Variants in GUCY1A1 observed in about 807,000 individuals in gnomAD.
GUCY1A1 encodes guanylate cyclase soluble subunit alpha-1.
In GUCY1A1, 48 loss-of-function variants were observed where a neutral mutation model predicts 64.5. That is an observed-to-expected ratio of 0.74 (90% CI 0.59 to 0.95). The LOEUF is 0.95. GUCY1A1 is among the 40% of genes least tolerant of loss of function. The pLI, the probability that GUCY1A1 is intolerant of heterozygous loss-of-function variation, is 0.00. For missense variants in GUCY1A1, 804 were observed against 825.3 expected, an observed-to-expected ratio of 0.97 and a Z score of 0.32; for synonymous variants, 308 against 303.4, an observed-to-expected ratio of 1.02 and a Z score of -0.16.
intron 2 of GUCY1A1, among the ~76,000 whole-genome samples, chr4:155,677,434 A>T (rs1735107403): frequency 6.6e-6 from 1 of 152,190 alleles, no homozygotes; most frequent in Non-Finnish European, 1.5e-5. Context: ...CACTGATCTC[A>T]TCAGGAAGTT....
chr4:155,683,270 A>G (rs879359836), intron 2 of GUCY1A1, among the ~76,000 whole-genome samples: 1 of 152,214 alleles, frequency 6.6e-6, no homozygotes, highest in Non-Finnish European at 1.5e-5. Context: ...ATATAGGAAA[A>G]CAAAAAAAAT....
In GUCY1A1 at chr4:155,732,061, GGGAAATAAT is replaced by G. The variant is rs1364526237; in HGVS notation, c.*1831_*1839del. The stretch of plus-strand genomic sequence containing the variant: ...TTTCTGGAACCGAACTCTTATTATG[GGGAAATAAT>G]AGAAATAAAGAAAATGTAAAAGCAT... On this transcript the variant is annotated 3_prime_UTR_variant, in exon 10 of 10. Transcript: ENST00000506455. 6.6e-6 allele frequency: 1 copy of G among 151,618 alleles called. No homozygotes were observed. Among genetic ancestry groups the G allele is most frequent in the Non-Finnish European group, 1.5e-5 (1 of 67,804 alleles). The allele number at this position is 151,618 out of a possible 1,614,324, so 9.4% of individuals were successfully genotyped here.
At chr4:155,696,696 C>T (rs1730454689) in intron 2 of GUCY1A1, 60 bp from the exon 3 acceptor site, 1 of 533,834 alleles carries the variant, frequency 1.9e-6, no homozygotes, top group Non-Finnish European at 3.3e-6. Flanking sequence ...CTGTCTTTTT[C>T]TGTTTTCATC....
At chr4:155,720,938 A>C (rs1320961292) in intron 8 of GUCY1A1, among the ~76,000 whole-genome samples, 1 of 152,184 alleles carries the variant, frequency 6.6e-6, no homozygotes, top group Admixed American at 6.6e-5. Flanking sequence ...AAGATCATCA[A>C]GTAATCAGAC....
intron 3 of GUCY1A1, among the ~76,000 whole-genome samples, chr4:155,699,918 A>C (rs1465516653): frequency 6.6e-6 from 1 of 152,176 alleles, no homozygotes; most frequent in African/African-American, 2.4e-5. Context: ...GGTCGTTCTC[A>C]AGTAATGGAA....
rs759827475 is a variant in GUCY1A1 at position 155,710,965 on chromosome 4, C to A, written c.800C>A (p.Ser267Tyr). The A allele has an allele frequency of 1.2e-6, 2 of 1,613,408 alleles. No homozygotes were observed. The highest frequency in any genetic ancestry group is 1.7e-6 in the Non-Finnish European group (2 of 1,179,354). ...ATGAAAAGCACCAAGCCATCCCTGT[C>A]CCCCAGCAAACCCCAGTCCTCGCTG... The part of the protein sequence containing the change: ...VHMKSTKPSL[S>Y]PSKPQSSLVI... Residue 267 changes from serine (S) to tyrosine (Y), a missense_variant, in exon 6 of 10, where the codon TCC becomes TAC. Physicochemically the swap from Ser to Tyr is moderately radical, Grantham distance 144. Coordinates refer to ENST00000506455, the MANE Select transcript of GUCY1A1 (RefSeq NM_001130682.3).
chr4:155,727,953 C>T (rs1031269044), intron 9 of GUCY1A1, among the ~76,000 whole-genome samples: 1 of 151,776 alleles, frequency 6.6e-6, no homozygotes, highest in Non-Finnish European at 1.5e-5. Flanking sequence ...AGCTTCTCCA[C>T]AACTCATCAA....
Position 155,733,620 on chromosome 4 carries a change from C to A in GUCY1A1, c.*3389C>A. Among the ~76,000 whole-genome samples the A allele has an allele frequency of 6.7e-6, 1 of 150,364 alleles. No individual in the cohort carries two copies. The highest frequency in any genetic ancestry group is 2.4e-5 in the African/African-American group (1 of 40,846). ...GTAATATTAATAACTACAATAAGAG[C>A]CATTATTATTCACTTGAGGCACTTG... On this transcript the variant is annotated 3_prime_UTR_variant, in exon 10 of 10. Transcript: ENST00000506455.
chr4:155,708,218 A>G lies in GUCY1A1; in HGVS notation c.318-18A>G. 8.2e-7 allele frequency: 1 copy of G among 1,221,234 alleles called. No homozygotes were observed. The highest frequency in any genetic ancestry group is 1.2e-6 in the Non-Finnish European group (1 of 826,084). 75.6% of individuals were successfully genotyped at this position (1,221,234 alleles called of 1,614,324 possible). ...TGTATTTATAAGTTTATAACTTAAA[A>G]TATTGAAATATTTCCAGGAAATCTT... On this transcript the variant is annotated intron_variant, in intron 4 of 9. Coordinates refer to ENST00000506455, the MANE Select transcript of GUCY1A1 (RefSeq NM_001130682.3).
In GUCY1A1 at chr4:155,705,203, T is replaced by A. The variant is rs186538884; in HGVS notation, c.317+1210T>A. Among the ~76,000 whole-genome samples, 3 of 152,346 alleles carry A rather than the reference T, an allele frequency of 2.0e-5. No homozygotes were observed. The East Asian group carries it at 5.8e-4, about 29-fold the overall frequency. ...ACTGCGCCTTGTCTCTAAAGTTACA[T>A]TTTTTAAATCTGATTTATTTAGTGA... On this transcript the variant is annotated intron_variant, in intron 4 of 9. Transcript: ENST00000506455.
chr4:155,679,492 T>A (rs918769302), intron 2 of GUCY1A1, among the ~76,000 whole-genome samples: 1 of 152,042 alleles, frequency 6.6e-6, no homozygotes, highest in Non-Finnish European at 1.5e-5. Context: ...CAGAGATTAC[T>A]GAGAGAGAGA....
Position 155,716,373 on chromosome 4 carries a change from C to T in GUCY1A1, c.1573-786C>T, listed in dbSNP as rs570305366. Among the ~76,000 whole-genome samples, 7 of 152,168 alleles carry T rather than the reference C, an allele frequency of 4.6e-5. No homozygotes were observed. The East Asian group carries it at 1.2e-3, about 25-fold the overall frequency. The stretch of plus-strand genomic sequence containing the variant: ...CATTTGGAGAAGAAGAAAAATGAAG[C>T]TCTTAGAATTAGGGGGTTATTTCTG... On this transcript the variant is annotated intron_variant, in intron 7 of 9. Coordinates refer to ENST00000506455, the MANE Select transcript of GUCY1A1 (RefSeq NM_001130682.3).
chr4:155,697,095 G>C lies in GUCY1A1; in HGVS notation c.228G>C (p.Glu76Asp). The change falls in exon 3 of 10, where the codon GAG becomes GAC. Residue 76 changes from glutamate (E) to aspartate (D), a missense_variant. Transcript: ENST00000506455. The part of the protein sequence containing the change: ...RSRVYLHTLA[E>D]SICKLIFPEF... ...GAGTCTATCTTCACACTTTGGCAGA[G>C]AGTATTTGCAAACTGATTTTCCCAG... is the stretch of plus-strand genomic sequence containing the variant. 2 of 1,613,516 alleles carry C rather than the reference G, an allele frequency of 1.2e-6. No homozygotes were observed. The highest frequency in any genetic ancestry group is 1.7e-6 in the Non-Finnish European group (2 of 1,179,506).
intron 7 of GUCY1A1, among the ~76,000 whole-genome samples, chr4:155,715,565 A>G: frequency 6.6e-6 from 1 of 152,192 alleles, no homozygotes. Flanking sequence ...CCAGATTTCC[A>G]TATGACGTGA....
intron 2 of GUCY1A1, among the ~76,000 whole-genome samples, chr4:155,686,186 G>T (rs1728976596): frequency 6.6e-6 from 1 of 152,088 alleles, no homozygotes; most frequent in Non-Finnish European, 1.5e-5. Flanking sequence ...GTAGATAAAA[G>T]AATTATTGGC....
At chr4:155,708,179 C>G in intron 4 of GUCY1A1, 57 bp from the exon 5 acceptor site, 3 of 868,754 alleles carry the variant, frequency 3.5e-6, no homozygotes, top group East Asian at 5.0e-5. Context: ...ATATTATAAT[C>G]TGAACTTTTA....
In GUCY1A1 at chr4:155,702,228, G is replaced by A. The variant is rs540344935; in HGVS notation, c.256-1704G>A. ...AACTGAGAGCTCAGGCACAAAGGCA[G>A]CAACCCTTATTTTATTAAAGACTTC... On this transcript the variant is annotated intron_variant, in intron 3 of 9. Coordinates refer to ENST00000506455, the MANE Select transcript of GUCY1A1 (RefSeq NM_001130682.3). Among the ~76,000 whole-genome samples, 7 of 152,256 alleles carry A rather than the reference G, an allele frequency of 4.6e-5. No homozygotes were observed. The South Asian group carries it at 8.3e-4, about 18-fold the overall frequency.
At chr4:155,701,737 T>C (rs1731106711) in intron 3 of GUCY1A1, among the ~76,000 whole-genome samples, 1 of 151,454 alleles carries the variant, frequency 6.6e-6, no homozygotes, top group Admixed American at 6.6e-5. Flanking sequence ...TCAGGAGTTC[T>C]TGGCTGTAGT....
intron 2 of GUCY1A1, among the ~76,000 whole-genome samples, chr4:155,684,799 A>C (rs1375469162): frequency 6.6e-6 from 1 of 152,146 alleles, no homozygotes; most frequent in East Asian, 1.9e-4. Flanking sequence ...GCTCAAAGTG[A>C]AGTTTTCAAA....
Sources: gnomAD v4.1 joint callset for allele counts (sites outside exome capture counted in the v4.1 genomes callset) on GRCh38, gnomAD v4.1.1 for gene constraint, MANE v1.5 for transcripts, NCBI Gene and HGNC (gene_info 2026-07-23, HGNC 2026-07-21) for gene names.